The following NEMP1 variants were observed in gnomAD, a reference collection of about 807,000 sequenced individuals.
NEMP1 encodes the protein transmembrane protein 194.
NEMP1 carries 29 observed loss-of-function variants against 53.7 expected under a neutral mutation model. The observed-to-expected ratio is 0.54, with a 90% CI of 0.40 to 0.74. NEMP1 has a LOEUF of 0.74. Ranked by LOEUF, NEMP1 falls within the 30% of genes least tolerant of loss-of-function variation. The pLI is 0.00. For synonymous variants in NEMP1, 193 were observed against 192.9 expected, an observed-to-expected ratio of 1.00 and a Z score of 0.00; for missense variants, 477 against 528.6, an observed-to-expected ratio of 0.90 and a Z score of 0.96.
upstream of NEMP1, among the ~76,000 whole-genome samples, chr12:57,080,313 T>G (rs1359060838): frequency 6.6e-6 from 1 of 152,084 alleles, no homozygotes; most frequent in Non-Finnish European, 1.5e-5. Flanking sequence ...GCATGGTGGC[T>G]CAGGTCTGTA....
In NEMP1 at chr12:57,059,513, C is replaced by T. The variant is rs2031692660; in HGVS notation, c.*366G>A. On this transcript the variant is annotated 3_prime_UTR_variant, in exon 9 of 9. Transcript: ENST00000300128. ...CTAAAAGCATTCCTGCACTTAACAA[C>T]AGTTCTTACTTTGGAGAGCCAGCCA... 1 of 177,938 alleles carries T rather than the reference C, an allele frequency of 5.6e-6. No homozygotes were observed. The allele number at this position is 177,938 out of a possible 1,614,324, so 11.0% of individuals were successfully genotyped here. A position where few individuals can be genotyped will look rare whatever the true frequency, so the allele number is the denominator to read the frequency against.
rs2031777153 is a variant in NEMP1 at position 57,061,081 on chromosome 12, G to A, written c.981-136C>T. 3.7e-6 allele frequency: 3 copies of A among 811,830 alleles called. No individual in the cohort carries two copies. In the South Asian group the frequency reaches 6.0e-5, roughly 16 times the overall value. 50.3% of individuals were successfully genotyped at this position (811,830 alleles called of 1,614,324 possible). On this transcript the variant is annotated intron_variant, in intron 7 of 8. Transcript: ENST00000300128. ...AGTCATCACTCCTAAAAATTCCATG[G>A]ACATCTTTAGTTATAATGAACTCCT...
At position 57,067,542 on chromosome 12, in the gene NEMP1, C is replaced by T. The variant is rs1345347593; in HGVS notation, c.545+1692G>A. Among the ~76,000 whole-genome samples the T allele has an allele frequency of 2.6e-5, 4 of 152,126 alleles. No individual in the cohort carries two copies. The East Asian group carries it at 5.8e-4, about 22-fold the overall frequency. On this transcript the variant is annotated intron_variant, in intron 4 of 8. Coordinates refer to ENST00000300128, the MANE Select transcript of NEMP1 (RefSeq NM_001130963.2). ...AAAACGGTGTGATAGATTTGCTTGA[C>T]CCAGGGTTGCCACGAACCTTCAATT...
chr12:57,064,300 CA>C, intron 5 of NEMP1, 115 bp from the exon 6 acceptor site: 2 of 618,666 alleles, frequency 3.2e-6, no homozygotes, highest in Non-Finnish European at 5.5e-6. Context: ...TCAAAATGCA[CA>C]AAAAACACTT....
chr12:57,071,737 C>A (rs1207168865), intron 2 of NEMP1, among the ~76,000 whole-genome samples: 2 of 151,866 alleles, frequency 1.3e-5, no homozygotes, highest in Non-Finnish European at 2.9e-5. Flanking sequence ...CTGGGCATGG[C>A]CCCCAGCTAC....
intron 1 of NEMP1, among the ~76,000 whole-genome samples, chr12:57,087,406 G>A (rs1265527858): frequency 1.3e-5 from 2 of 151,894 alleles, no homozygotes; most frequent in East Asian, 3.9e-4. Context: ...TGGAAACCCG[G>A]GGCCAGCGGC....
At chr12:57,067,121 C>T (rs1346938749) in intron 4 of NEMP1, among the ~76,000 whole-genome samples, 2 of 151,934 alleles carry the variant, frequency 1.3e-5, no homozygotes, top group Non-Finnish European at 2.9e-5. Context: ...GTCAGGAGAT[C>T]GAGACCATCC....
At chr12:57,061,706 A>C (rs564505150) in intron 7 of NEMP1, among the ~76,000 whole-genome samples, 87 of 149,242 alleles carry the variant, frequency 5.8e-4, no homozygotes, top group African/African-American at 2.0e-3. Context: ...AAAAAAAAAA[A>C]AACAAAAAAA....
intron 1 of NEMP1, among the ~76,000 whole-genome samples, chr12:57,084,017 C>T (rs1412352771): frequency 4.0e-5 from 6 of 151,866 alleles, no homozygotes; most frequent in Non-Finnish European, 8.8e-5. Flanking sequence ...GGCTGGAGTG[C>T]GATGGCGCGA....
intron 7 of NEMP1, among the ~76,000 whole-genome samples, chr12:57,062,623 C>G (rs2031869150): frequency 6.6e-6 from 1 of 152,002 alleles, no homozygotes. Flanking sequence ...ACTTTATGAA[C>G]TCCTGACATT....
chr12:57,070,743 T>C lies in NEMP1; in HGVS notation c.403A>G (p.Ser135Gly). The C allele has an allele frequency of 6.3e-7, 1 of 1,586,912 alleles. No homozygotes were observed. The highest frequency in any genetic ancestry group is 1.4e-5 in the African/African-American group (1 of 73,952). The change falls in exon 3 of 9, where the codon AGC (serine) becomes GGC (glycine). Residue 135 changes from serine to glycine, a missense_variant. Ser to Gly is a moderately conservative substitution (Grantham distance 56). Coordinates refer to ENST00000300128, the MANE Select transcript of NEMP1 (RefSeq NM_001130963.2). ...NDTYVNVGLY[S>G]TKTCLKVEII... ...TCAACTTTGAGGCAGGTTTTTGTGC[T>C]GTATAGACCCACGTTAACATAGGTG...
At position 57,078,720 on chromosome 12, in the gene NEMP1, A is replaced by C. The variant is rs2032749493; in HGVS notation, c.26T>G (p.Val9Gly). 1 of 1,611,570 alleles carries C rather than the reference A, an allele frequency of 6.2e-7. No homozygotes were observed. The highest frequency in any genetic ancestry group is 8.5e-7 in the Non-Finnish European group (1 of 1,178,526). The change falls in exon 1 of 9, where the codon GTC becomes GGC. Residue 9 changes from valine to glycine, a missense_variant. Val to Gly is a moderately radical substitution (Grantham distance 109, BLOSUM62 -3). Coordinates refer to ENST00000300128, the MANE Select transcript of NEMP1 (RefSeq NM_001130963.2). ...GGGCCCGGGACCAACTGCCGGCGAG[A>C]CCGCCACTTTCATTCCTCCCGCCAT... Reference protein sequence around the residue: MAGGMKVAVSPAVGPGPWG... With the variant: MAGGMKVAGSPAVGPGPWG...
At chr12:57,080,345 G>A (rs1166731485), upstream of NEMP1, among the ~76,000 whole-genome samples, 2 of 151,580 alleles carry the variant, frequency 1.3e-5, no homozygotes, top group Non-Finnish European at 1.5e-5. Context: ...TTGGGAGTCC[G>A]AGGCGGGTGG....
chr12:57,086,537 C>CAA (rs1491369403), intron 1 of NEMP1, among the ~76,000 whole-genome samples: 2 of 151,360 alleles, frequency 1.3e-5, no homozygotes, highest in Admixed American at 6.6e-5. Flanking sequence ...TCCCCCCCCC[C>CAA]CACACACACA....
chr12:57,076,581 G>A (rs1320270417), intron 1 of NEMP1, among the ~76,000 whole-genome samples: 4 of 151,926 alleles, frequency 2.6e-5, no homozygotes, highest in Non-Finnish European at 5.9e-5. Context: ...GCTGAGGTGG[G>A]CAGATCACGA....
chr12:57,080,376 C>T (rs907385332), upstream of NEMP1, among the ~76,000 whole-genome samples: 3 of 151,492 alleles, frequency 2.0e-5, no homozygotes, highest in South Asian at 2.1e-4. Flanking sequence ...GTCAGGAGTT[C>T]GAGACCAGCC....
intron 1 of NEMP1, among the ~76,000 whole-genome samples, chr12:57,075,691 GCACGGTGGCT>G (rs919239344): frequency 2.0e-5 from 3 of 151,834 alleles, no homozygotes; most frequent in African/African-American, 7.3e-5. Context: ...ATAAGGCCAG[GCACGGTGGCT>G]CACACCTGTA....
In NEMP1 at chr12:57,056,126, C is replaced by T. The variant is rs1366961112; in HGVS notation, c.*3753G>A. The T allele has an allele frequency of 6.6e-6, 1 of 152,200 alleles. No individual in the cohort carries two copies. Among genetic ancestry groups the T allele is most frequent in the African/African-American group, 2.4e-5 (1 of 41,452 alleles). 9.4% of individuals were successfully genotyped at this position (152,200 alleles called of 1,614,324 possible). A position where few individuals can be genotyped will look rare whatever the true frequency, so the allele number is the denominator to read the frequency against. ...CCCACATTTTGGGAGTCTGTGACCA[C>T]TCCCATCTGCCACTAAAGCTACGAG... On this transcript the variant is annotated 3_prime_UTR_variant, in exon 9 of 9. Coordinates refer to ENST00000300128, the MANE Select transcript of NEMP1 (RefSeq NM_001130963.2).
chr12:57,064,684 G>C lies in NEMP1; in HGVS notation c.601C>G (p.Leu201Val), dbSNP rs773490183. ...TTAGATAGTATAAAAATGATGATTA[G>C]CAGAGAGGCCACAATTCCCACAGTC... is the stretch of plus-strand genomic sequence containing the variant. ...GMTVGIVASL[L>V]IIIFILSKFM... The change falls in exon 5 of 9, where the codon CTA becomes GTA. Residue 201 changes from leucine (L) to valine (V), a missense_variant. By Grantham distance (32) the Leu-to-Val change is conservative. Coordinates refer to ENST00000300128, the MANE Select transcript of NEMP1 (RefSeq NM_001130963.2). 6.2e-7 allele frequency: 1 copy of C among 1,612,696 alleles called. No homozygotes were observed. The highest frequency in any genetic ancestry group is 8.5e-7 in the Non-Finnish European group (1 of 1,179,378).
Sources: allele counts gnomAD v4.1 joint callset (sites outside exome capture counted in the v4.1 genomes callset), GRCh38; gene constraint gnomAD v4.1.1; transcripts MANE v1.5; gene names NCBI Gene and HGNC (gene_info 2026-07-23, HGNC 2026-07-21).